The following FILIP1 variants were observed in gnomAD, a reference collection of about 807,000 sequenced individuals.
The protein encoded by FILIP1 is filamin-A-interacting protein 1.
A neutral mutation model predicts 102.1 loss-of-function variants in FILIP1; 61 were observed. The observed-to-expected ratio is 0.60, with a 90% CI of 0.49 to 0.74. FILIP1 has a LOEUF of 0.74. FILIP1 is among the 30% of genes least tolerant of loss of function. FILIP1 has a pLI of 0.00. For synonymous variants in FILIP1, 491 were observed against 526.9 expected, an observed-to-expected ratio of 0.93 and a Z score of 0.93; for missense variants, 1,314 against 1,441.2, an observed-to-expected ratio of 0.91 and a Z score of 1.43.
chr6:75,422,646 A>C (rs1777504906), intron 1 of FILIP1, among the ~76,000 whole-genome samples: 1 of 152,126 alleles, frequency 6.6e-6, no homozygotes, highest in African/African-American at 2.4e-5. Flanking sequence ...CTTAAATATT[A>C]CCTTTGTTTG....
chr6:75,315,690 G>A (rs911357656), intron 4 of FILIP1, among the ~76,000 whole-genome samples: 2 of 152,200 alleles, frequency 1.3e-5, no homozygotes, highest in Non-Finnish European at 2.9e-5. Flanking sequence ...GAAAAAACAT[G>A]AGATACAGGG....
intron 1 of FILIP1, among the ~76,000 whole-genome samples, chr6:75,484,784 T>C (rs1230340657): frequency 6.6e-6 from 1 of 152,210 alleles, no homozygotes; most frequent in African/African-American, 2.4e-5. Context: ...ATCATTGACA[T>C]TGTGGTACTC....
intron 1 of FILIP1, among the ~76,000 whole-genome samples, chr6:75,469,324 A>G (rs1052688155): frequency 2.0e-5 from 3 of 152,090 alleles, no homozygotes; most frequent in African/African-American, 7.2e-5. Flanking sequence ...ATTTCATTCA[A>G]GTGCTAATTG....
chr6:75,388,202 T>C (rs949452077), intron 2 of FILIP1, among the ~76,000 whole-genome samples: 6 of 151,970 alleles, frequency 3.9e-5, no homozygotes, highest in African/African-American at 1.4e-4. Flanking sequence ...TAGATGTGTG[T>C]GTTATTTCTG....
chr6:75,348,225 GAAAGT>G (rs1432546500), intron 4 of FILIP1, among the ~76,000 whole-genome samples: 2 of 152,178 alleles, frequency 1.3e-5, no homozygotes, highest in African/African-American at 4.8e-5. Flanking sequence ...AGTTCAGGCA[GAAAGT>G]AAAGCACAGA....
chr6:75,452,224 C>G (rs898155420), intron 1 of FILIP1, among the ~76,000 whole-genome samples: 4 of 151,896 alleles, frequency 2.6e-5, no homozygotes, highest in Admixed American at 2.6e-4. Flanking sequence ...TTATCATTTA[C>G]ATTAGGTATA....
chr6:75,392,302 A>G (rs1473067463), intron 2 of FILIP1, among the ~76,000 whole-genome samples: 2 of 151,890 alleles, frequency 1.3e-5, no homozygotes, highest in East Asian at 1.9e-4. Flanking sequence ...CAAATTGACA[A>G]CTCCATCCCA....
intron 1 of FILIP1, among the ~76,000 whole-genome samples, chr6:75,451,105 A>AAAAAGC (rs1335434909): frequency 6.6e-6 from 1 of 151,990 alleles, no homozygotes; most frequent in Non-Finnish European, 1.5e-5. Flanking sequence ...TCACAATTTC[A>AAAAAGC]AAAAGCAAGC....
rs146128028 is a variant in FILIP1, at chr6:75,357,594, T to G, written c.451-3877A>C. Among the ~76,000 whole-genome samples, 5 of 152,352 alleles carry G rather than the reference T, an allele frequency of 3.3e-5. No individual in the cohort carries two copies. In the East Asian group the frequency reaches 9.6e-4, roughly 29 times the overall value. On this transcript the variant is annotated intron_variant, in intron 3 of 5. Coordinates refer to ENST00000237172, the MANE Select transcript of FILIP1 (RefSeq NM_015687.5). ...TGCATAAGTTACTGAGGCATTGGTG[T>G]ATGTAATGTGTTTCTTAGGCAGAGC...
At chr6:75,455,619 A>C (rs538300033) in intron 1 of FILIP1, among the ~76,000 whole-genome samples, 10 of 152,308 alleles carry the variant, frequency 6.6e-5, no homozygotes, top group Admixed American at 4.6e-4. Flanking sequence ...CTCACCATTG[A>C]GATAACTGAA....
In FILIP1 at chr6:75,404,065, G is replaced by A. The variant is rs555968394; in HGVS notation, c.276+10632C>T. Among the ~76,000 whole-genome samples, 37 of 152,060 alleles carry A rather than the reference G, an allele frequency of 2.4e-4. 1 individual carries two copies. The South Asian group carries it at 6.2e-3, about 26-fold the overall frequency. The stretch of plus-strand genomic sequence containing the variant: ...TGCTTTCACTTCCACTCCCAGGACC[G>A]CACCCAAGACCCTGTAATAGTTAAA... On this transcript the variant is annotated intron_variant, in intron 2 of 5. Coordinates refer to ENST00000237172, the MANE Select transcript of FILIP1 (RefSeq NM_015687.5).
chr6:75,312,688 A>C lies in FILIP1; in HGVS notation c.3144T>G (p.Thr1048=). ...KVTPEKQTVP[T]PVRKYNSNAN... ...CATTGGAGTTGTATTTCCGTACTGG[A>C]GTTGGAACAGTCTGTTTTTCTGGGG... Residue 1048 remains threonine, a synonymous_variant, in exon 5 of 6, where the codon ACT becomes ACG. Coordinates refer to ENST00000237172, the MANE Select transcript of FILIP1 (RefSeq NM_015687.5). The C allele has an allele frequency of 3.7e-6, 6 of 1,614,068 alleles. No homozygotes were observed. The highest frequency in any genetic ancestry group is 4.2e-6 in the Non-Finnish European group (5 of 1,180,016).
intron 2 of FILIP1, among the ~76,000 whole-genome samples, chr6:75,400,192 T>C (rs1360037522): frequency 6.6e-6 from 1 of 152,172 alleles, no homozygotes. Flanking sequence ...TCTTGGTCGC[T>C]ATGCTGAAGG....
At chr6:75,300,205 A>T (rs1772799198) in intron 6 of FILIP1, among the ~76,000 whole-genome samples, 1 of 152,196 alleles carries the variant, frequency 6.6e-6, no homozygotes, top group South Asian at 2.1e-4. Flanking sequence ...TAAAGACAAA[A>T]CATACCAGAA....
chr6:75,329,944 T>C (rs1193596205), intron 4 of FILIP1, among the ~76,000 whole-genome samples: 1 of 152,136 alleles, frequency 6.6e-6, no homozygotes, highest in African/African-American at 2.4e-5. Flanking sequence ...ATGTTACTTC[T>C]GAATAAATTA....
chr6:75,459,717 T>C (rs1221056813), intron 1 of FILIP1, among the ~76,000 whole-genome samples: 1 of 152,198 alleles, frequency 6.6e-6, no homozygotes, highest in African/African-American at 2.4e-5. Flanking sequence ...TTTGATCCAC[T>C]GATTTAACAG....
Position 75,313,441 on chromosome 6 carries a change from A to C in FILIP1, c.2391T>G (p.Asp797Glu). Residue 797 changes from aspartate (D) to glutamate (E), a missense_variant, in exon 5 of 6, where the codon GAT becomes GAG. By Grantham distance (45) the Asp-to-Glu change is conservative. This residue lies in a region of FILIP1 where 816 missense variants were observed against 913.1 expected (regional missense o/e 0.89). Coordinates refer to ENST00000237172, the MANE Select transcript of FILIP1 (RefSeq NM_015687.5). This position sits in a 1 kb window ranked among gnomAD's most constrained non-coding sequence, Gnocchi z 4.2. ...RPSVNGRRMVDVPVTSTGVQT... is the reference protein window; with the variant it reads ...RPSVNGRRMVEVPVTSTGVQT... ...GGACTCCAGTTGACGTCACAGGAAC[A>C]TCCACCATTCTTCTTCCATTCACAC... 1 of 1,614,218 alleles carries C rather than the reference A, an allele frequency of 6.2e-7. No homozygotes were observed. Among genetic ancestry groups the C allele is most frequent in the Non-Finnish European group, 8.5e-7 (1 of 1,180,042 alleles).
chr6:75,296,906 G>A (rs1297871685), intron 6 of FILIP1: 1 of 151,958 alleles, frequency 6.6e-6, no homozygotes, highest in East Asian at 1.9e-4. Flanking sequence ...ATGCCTTAAT[G>A]AACATTTATC....
rs570575074 is a variant in FILIP1, at chr6:75,412,797, T to A, written c.276+1900A>T. On this transcript the variant is annotated intron_variant, in intron 2 of 5. Transcript: ENST00000237172. ...TGTGTGTGTGCATATATATATGGAA[T>A]AGATTATCTGCTTTGCAAATGAATT... 3.9e-5 allele frequency among the ~76,000 whole-genome samples: 6 copies of A among 152,308 alleles called. No individual in the cohort carries two copies. The South Asian group carries it at 1.2e-3, about 32-fold the overall frequency.
Sources: allele counts gnomAD v4.1 joint callset (sites outside exome capture counted in the v4.1 genomes callset), GRCh38; gene constraint gnomAD v4.1.1; regional missense constraint gnomAD v4.1.1; non-coding constraint Gnocchi (gnomAD v3.1); transcripts MANE v1.5; gene names NCBI Gene and HGNC (gene_info 2026-07-23, HGNC 2026-07-21).